The following KCNIP4 variants were observed in gnomAD, a reference collection of about 807,000 sequenced individuals.
KCNIP4 encodes the protein potassium voltage-gated channel interacting protein 4.
Under a neutral mutation model 34.0 loss-of-function variants are expected in KCNIP4, and 12 were observed. That is an observed-to-expected ratio of 0.35 (90% CI 0.23 to 0.57). The LOEUF (loss-of-function observed/expected upper bound fraction) is 0.57. KCNIP4 is among the 20% of genes least tolerant of loss of function. The pLI is 0.83. For missense variants in KCNIP4, 238 were observed against 311.7 expected, an observed-to-expected ratio of 0.76 and a Z score of 1.78; for synonymous variants, 124 against 102.2, an observed-to-expected ratio of 1.21 and a Z score of -1.29.
chr4:21,933,067 A>AAC (rs1452757818), intron 1 of KCNIP4, among the ~76,000 whole-genome samples: 62 of 151,296 alleles, frequency 4.1e-4, no homozygotes, highest in Non-Finnish European at 7.5e-4. Context: ...AAAAAAAAAA[A>AAC]CAGAACACCA....
At chr4:21,498,537 G>C (rs1187286590) in intron 1 of KCNIP4, among the ~76,000 whole-genome samples, 1 of 141,396 alleles carries the variant, frequency 7.1e-6, no homozygotes. Flanking sequence ...TGGATGAACA[G>C]ATTGATGGAT....
intron 1 of KCNIP4, among the ~76,000 whole-genome samples, chr4:21,758,973 G>A (rs764467363): frequency 6.6e-6 from 1 of 152,050 alleles, no homozygotes; most frequent in Non-Finnish European, 1.5e-5. Context: ...GTTTGTGTGA[G>A]AAATTAACTG....
chr4:20,935,121 C>T (rs1730922865), intron 1 of KCNIP4, among the ~76,000 whole-genome samples: 1 of 152,144 alleles, frequency 6.6e-6, no homozygotes, highest in Non-Finnish European at 1.5e-5. Flanking sequence ...AATATGACTT[C>T]ATCTTAACTT....
chr4:21,448,602 G>T (rs1164754244), intron 1 of KCNIP4, among the ~76,000 whole-genome samples: 2 of 152,030 alleles, frequency 1.3e-5, no homozygotes, highest in East Asian at 3.9e-4. Context: ...GAAACCAATA[G>T]CAGATGATTC....
intron 1 of KCNIP4, among the ~76,000 whole-genome samples, chr4:21,832,553 A>G (rs1310091229): frequency 6.7e-6 from 1 of 150,236 alleles, no homozygotes; most frequent in Non-Finnish European, 1.5e-5. Flanking sequence ...ATTCCAGATG[A>G]ATTAAATTCT....
chr4:21,153,525 A>G (rs868177214), intron 1 of KCNIP4, among the ~76,000 whole-genome samples: 102 of 141,956 alleles, frequency 7.2e-4, no homozygotes, highest in African/African-American at 1.7e-3. Context: ...GTATATATAT[A>G]TATATATATA....
chr4:20,857,644 T>G (rs1240432264), intron 2 of KCNIP4, among the ~76,000 whole-genome samples: 1 of 144,392 alleles, frequency 6.9e-6, no homozygotes, highest in Non-Finnish European at 1.5e-5. Flanking sequence ...AGGTCTTTGA[T>G]GCCACAGCTT....
In KCNIP4 at chr4:21,374,437, G is replaced by A. The variant is rs187414561; in HGVS notation, c.62-491728C>T. On this transcript the variant is annotated intron_variant, in intron 1 of 8. Transcript: ENST00000382152. ...ATATTCACTACCATGAGAACAGTAT[G>A]CGGGAAACCATACCCATGATTCAGT... Among the ~76,000 whole-genome samples the A allele has an allele frequency of 2.0e-4, 30 of 147,134 alleles. 2 individuals carry two copies. The East Asian group carries it at 6.0e-3, about 29-fold the overall frequency.
intron 1 of KCNIP4, among the ~76,000 whole-genome samples, chr4:21,760,727 A>C (rs941044855): frequency 1.1e-4 from 16 of 152,254 alleles, no homozygotes; most frequent in African/African-American, 2.6e-4. Flanking sequence ...AAAAGCTAAA[A>C]TTTTAAATAT....
chr4:21,592,676 T>C (rs565045930), intron 1 of KCNIP4, among the ~76,000 whole-genome samples: 5 of 152,272 alleles, frequency 3.3e-5, no homozygotes, highest in Middle Eastern at 6.8e-3. Flanking sequence ...GAAAGCTGCA[T>C]ATTTAATCTT....
intron 3 of KCNIP4, among the ~76,000 whole-genome samples, chr4:20,836,246 A>G (rs1719025453): frequency 6.6e-6 from 1 of 152,184 alleles, no homozygotes; most frequent in South Asian, 2.1e-4. Context: ...ATTTGGTCAC[A>G]TCAACCTCCA....
chr4:21,087,431 A>T (rs1178122995), intron 1 of KCNIP4, among the ~76,000 whole-genome samples: 1 of 151,770 alleles, frequency 6.6e-6, no homozygotes, highest in Non-Finnish European at 1.5e-5. Context: ...CCCACCTCAG[A>T]CTCACAAAGT....
At chr4:21,177,421 C>A (rs1213838500) in intron 1 of KCNIP4, among the ~76,000 whole-genome samples, 1 of 152,040 alleles carries the variant, frequency 6.6e-6, no homozygotes, top group African/African-American at 2.4e-5. Flanking sequence ...ACCTTTATAT[C>A]TCTTCTCTCC....
intron 1 of KCNIP4, among the ~76,000 whole-genome samples, chr4:21,273,783 TCG>T (rs370748820): frequency 1.1e-3 from 164 of 152,286 alleles, no homozygotes; most frequent in African/African-American, 3.7e-3. Flanking sequence ...GGTGGATCAC[TCG>T]TTTCTATATA....
intron 1 of KCNIP4, among the ~76,000 whole-genome samples, chr4:21,511,340 T>C (rs1306362823): frequency 2.6e-5 from 1 of 39,042 alleles, no homozygotes; most frequent in Non-Finnish European, 4.5e-5. Context: ...TTGTATGCTC[T>C]TTAAAGCAAT....
chr4:21,014,215 C>A (rs1164844297), intron 1 of KCNIP4, among the ~76,000 whole-genome samples: 1 of 152,170 alleles, frequency 6.6e-6, no homozygotes, highest in African/African-American at 2.4e-5. Context: ...ATCTTCACAT[C>A]CAAGAGGTCC....
chr4:21,778,994 G>A (rs111707520), intron 1 of KCNIP4, among the ~76,000 whole-genome samples: 3,660 of 151,600 alleles, frequency 0.024, 151 homozygotes, highest in African/African-American at 0.083. Flanking sequence ...GTGCATGAGT[G>A]TGCACGTGTG....
chr4:20,840,526 A>C (rs6447989), intron 3 of KCNIP4, among the ~76,000 whole-genome samples: 58,992 of 151,748 alleles, frequency 0.39, 11,940 homozygotes, highest in Non-Finnish European at 0.46. Flanking sequence ...GTTAGTCCAA[A>C]ATAGGCCCAT....
intron 1 of KCNIP4, among the ~76,000 whole-genome samples, chr4:21,347,617 C>T (rs1480145045): frequency 6.6e-6 from 1 of 152,160 alleles, no homozygotes; most frequent in African/African-American, 2.4e-5. Flanking sequence ...ATACTATATC[C>T]AACGCTCTAA....
Sources: allele counts gnomAD v4.1 joint callset (sites outside exome capture counted in the v4.1 genomes callset), GRCh38; gene constraint gnomAD v4.1.1; transcripts MANE v1.5; gene names NCBI Gene and HGNC (gene_info 2026-07-23, HGNC 2026-07-21).